Variants in REEP3 observed in about 807,000 individuals in gnomAD.
The protein encoded by REEP3 is receptor accessory protein 3, also known as receptor expression-enhancing protein 3.
Under a neutral mutation model 41.3 loss-of-function variants are expected in REEP3, and 20 were observed. The ratio of observed to expected loss-of-function variants is 0.48; its 90% CI spans 0.34 to 0.70. The LOEUF is 0.70. REEP3 is among the 30% of genes least tolerant of loss of function. The probability of loss-of-function intolerance (pLI) is 0.01; values close to 1 mark genes in which losing one functional copy is unlikely to be tolerated. For synonymous variants in REEP3, 104 were observed against 101.8 expected (o/e 1.02, Z -0.13); for missense variants, 271 against 308.8 (o/e 0.88, Z 0.92).
At chr10:63,586,697 A>T (rs1045168317) in intron 2 of REEP3, among the ~76,000 whole-genome samples, 5 of 152,060 alleles carry the variant, frequency 3.3e-5, no homozygotes, top group Non-Finnish European at 7.4e-5. Flanking sequence ...TAAAAAATTA[A>T]TTTTTTATGG....
intron 1 of REEP3, among the ~76,000 whole-genome samples, chr10:63,547,217 G>A (rs1000907879): frequency 6.6e-6 from 1 of 152,122 alleles, no homozygotes; most frequent in Non-Finnish European, 1.5e-5. Context: ...ACCATGCCTG[G>A]CCAATTCTTC....
Position 63,539,466 on chromosome 10 carries a change from C to T in REEP3, c.32+17889C>T, listed in dbSNP as rs1955506486. 2.0e-5 allele frequency among the ~76,000 whole-genome samples: 3 copies of T among 152,026 alleles called. No homozygotes were observed. In the South Asian group the frequency reaches 6.2e-4, roughly 32 times the overall value. On this transcript the variant is annotated intron_variant, in intron 1 of 7. Coordinates refer to ENST00000373758, the MANE Select transcript of REEP3 (RefSeq NM_001001330.3). ...TAATTTGAGAAACATGGTTGATAGA[C>T]CATATATTTTTCATGTAACTTTAAG...
intron 1 of REEP3, among the ~76,000 whole-genome samples, chr10:63,563,972 T>A (rs1955771345): frequency 6.6e-6 from 1 of 152,010 alleles, no homozygotes; most frequent in South Asian, 2.1e-4. Flanking sequence ...TCTGAGAAAT[T>A]TACAGCCAAA....
chr10:63,569,518 A>T (rs1422882381), intron 2 of REEP3, among the ~76,000 whole-genome samples: 1 of 151,448 alleles, frequency 6.6e-6, no homozygotes, highest in East Asian at 1.9e-4. Flanking sequence ...TACAAATTTT[A>T]AATGTTTAGA....
At chr10:63,531,352 T>G (rs1955419508) in intron 1 of REEP3, among the ~76,000 whole-genome samples, 1 of 152,182 alleles carries the variant, frequency 6.6e-6, no homozygotes, top group Admixed American at 6.5e-5. Context: ...TGTGGGAGAC[T>G]CTCCTGTGCA....
chr10:63,598,206 G>A (rs901634162), intron 4 of REEP3, 62 bp downstream of exon 4: 1 of 1,249,116 alleles, frequency 8.0e-7, no homozygotes, highest in Non-Finnish European at 1.1e-6. Context: ...GAGGCCAGGT[G>A]TGGTGGCTCA....
intron 1 of REEP3, among the ~76,000 whole-genome samples, chr10:63,554,153 G>A (rs1416484678): frequency 6.6e-6 from 1 of 151,344 alleles, no homozygotes; most frequent in Non-Finnish European, 1.5e-5. Context: ...TTATCTTTAA[G>A]TCAGTGGGCC....
In REEP3 at chr10:63,552,410, CA is replaced by C. The variant is rs534375085; in HGVS notation, c.33-13918del. On this transcript the variant is annotated intron_variant, in intron 1 of 7. Transcript: ENST00000373758. Reference sequence around the variant, plus strand: ...TGGACCACAGAGCAAGACTCCGTCTCAAAAAAAAAAGAAAGAAATATAACAT... The same window carrying C: ...TGGACCACAGAGCAAGACTCCGTCTCAAAAAAAAAGAAAGAAATATAACAT... Among the ~76,000 whole-genome samples the C allele has an allele frequency of 3.5e-4, 51 of 145,882 alleles. 1 individual carries two copies. The South Asian group carries it at 6.5e-3, about 19-fold the overall frequency.
intron 5 of REEP3, among the ~76,000 whole-genome samples, chr10:63,608,971 G>C (rs1238348519): frequency 1.5e-4 from 23 of 152,162 alleles, no homozygotes; most frequent in Admixed American, 1.5e-3. Flanking sequence ...ATATTGTTAA[G>C]GGAAAGGACT....
intron 5 of REEP3, among the ~76,000 whole-genome samples, chr10:63,604,415 T>C (rs1564490387): frequency 1.3e-5 from 2 of 152,202 alleles, no homozygotes. Flanking sequence ...TGAAGAAAAG[T>C]ACTGTTAGTT....
intron 1 of REEP3, among the ~76,000 whole-genome samples, chr10:63,534,801 T>C (rs546913310): frequency 6.6e-6 from 1 of 152,276 alleles, no homozygotes; most frequent in South Asian, 2.1e-4. Flanking sequence ...GAATGACTGA[T>C]AAATATAAAG....
intron 6 of REEP3, among the ~76,000 whole-genome samples, chr10:63,614,179 C>G (rs918920894): frequency 1.1e-4 from 16 of 151,812 alleles, no homozygotes; most frequent in African/African-American, 3.9e-4. Context: ...CTCAGATAAT[C>G]AAAAAATAGT....
chr10:63,588,111 T>C (rs1366193181), intron 2 of REEP3, among the ~76,000 whole-genome samples: 1 of 152,210 alleles, frequency 6.6e-6, no homozygotes, highest in Non-Finnish European at 1.5e-5. Flanking sequence ...TTCCCACTCA[T>C]GTCCAGCCTT....
intron 1 of REEP3, chr10:63,562,627 T>C (rs1416492117): frequency 2.2e-6 from 1 of 456,370 alleles, no homozygotes; most frequent in Non-Finnish European, 4.4e-6. Flanking sequence ...AGAAGCGTAT[T>C]CTTCCTGTGA....
At chr10:63,551,362 A>G (rs1425130491) in intron 1 of REEP3, among the ~76,000 whole-genome samples, 1 of 152,240 alleles carries the variant, frequency 6.6e-6, no homozygotes, top group Non-Finnish European at 1.5e-5. Context: ...TCATATAAAT[A>G]AATGAATACA....
intron 5 of REEP3, among the ~76,000 whole-genome samples, chr10:63,605,734 G>T (rs1393464772): frequency 6.6e-6 from 1 of 152,136 alleles, no homozygotes; most frequent in African/African-American, 2.4e-5. Flanking sequence ...CCTTTTTATG[G>T]ATGCCAACCA....
At chr10:63,537,204 C>T (rs560431424) in intron 1 of REEP3, among the ~76,000 whole-genome samples, 16 of 151,834 alleles carry the variant, frequency 1.1e-4, no homozygotes, top group African/African-American at 3.6e-4. Context: ...CTTGGATGAC[C>T]GTTAGGAAAG....
intron 1 of REEP3, among the ~76,000 whole-genome samples, chr10:63,549,661 A>C (rs1955609945): frequency 6.6e-6 from 1 of 152,208 alleles, no homozygotes; most frequent in African/African-American, 2.4e-5. Context: ...GTAGTTGATA[A>C]AGTTGTATAC....
intron 1 of REEP3, among the ~76,000 whole-genome samples, chr10:63,549,552 G>A (rs1299929112): frequency 6.6e-6 from 1 of 152,212 alleles, no homozygotes; most frequent in African/African-American, 2.4e-5. Flanking sequence ...GGGTGACGTT[G>A]TCGAAGGGAA....
Sources: gnomAD v4.1 joint callset for allele counts (sites outside exome capture counted in the v4.1 genomes callset) on GRCh38, gnomAD v4.1.1 for gene constraint, MANE v1.5 for transcripts, NCBI Gene and HGNC (gene_info 2026-07-23, HGNC 2026-07-21) for gene names.